The following NRG1 variants were observed in gnomAD, a reference collection of about 807,000 sequenced individuals.
The protein encoded by NRG1 is pro-neuregulin-1, membrane-bound isoform.
NRG1 carries 18 observed loss-of-function variants against 63.8 expected under a neutral mutation model. That is an observed-to-expected ratio of 0.28 (90% CI 0.19 to 0.42). The LOEUF is 0.42. NRG1 is among the 10% of genes least tolerant of loss of function. The pLI is 1.00. For missense variants in NRG1, 762 were observed against 814.7 expected (o/e 0.94, Z 0.79); for synonymous variants, 302 against 301.3 (o/e 1.00, Z -0.02).
chr8:31,944,712 A>G (rs1174864845), intron 1 of NRG1, among the ~76,000 whole-genome samples: 2 of 152,128 alleles, frequency 1.3e-5, no homozygotes, highest in Non-Finnish European at 2.9e-5. Flanking sequence ...GAGAGCAAGT[A>G]ATAATGTTAT....
At chr8:32,581,692 G>A (rs17721098) in intron 1 of NRG1, among the ~76,000 whole-genome samples, 38,996 of 152,034 alleles carry the variant, frequency 0.26, 5,122 homozygotes, top group South Asian at 0.33. Flanking sequence ...ACACTTATTC[G>A]AAAGACATAA....
At position 32,742,645 on chromosome 8, in the gene NRG1, C is replaced by G; in HGVS notation, c.633-30C>G. ...ACCTCTTCTCTTTTTCTCTGTTTTT[C>G]TACCATTGTTTTTTTGTTTCTTCTC... On this transcript the variant is annotated intron_variant, in intron 6 of 11. Coordinates refer to ENST00000356819, the Ensembl canonical transcript of NRG1. The surrounding 1 kb of genome is among the most constrained non-coding windows in gnomAD (Gnocchi z 4.2). The G allele has an allele frequency of 6.3e-7, 1 of 1,596,308 alleles. No homozygotes were observed. Among genetic ancestry groups the G allele is most frequent in the Non-Finnish European group, 8.6e-7 (1 of 1,164,570 alleles).
In NRG1 at chr8:32,756,399, C is replaced by T; in HGVS notation, c.795-4C>T. On this transcript the variant is annotated splice_polypyrimidine_tract_variant and splice_region_variant and intron_variant, in intron 8 of 11. Coordinates refer to ENST00000356819, the Ensembl canonical transcript of NRG1. ...AAAATAAATGCTCCCTTTCTTATGTCCAGGAAACAGCGGAAAAAGCTGCAT... is the reference window on the plus strand; with the variant it reads ...AAAATAAATGCTCCCTTTCTTATGTTCAGGAAACAGCGGAAAAAGCTGCAT... 1.9e-6 allele frequency: 3 copies of T among 1,608,084 alleles called. No homozygotes were observed. The highest frequency in any genetic ancestry group is 2.5e-6 in the Non-Finnish European group (3 of 1,178,056).
chr8:32,347,169 T>C (rs905460498), intron 1 of NRG1, among the ~76,000 whole-genome samples: 2 of 152,212 alleles, frequency 1.3e-5, no homozygotes, highest in Non-Finnish European at 1.5e-5. Context: ...ATTATAATTC[T>C]TTTCTTCTAG....
intron 1 of NRG1, among the ~76,000 whole-genome samples, chr8:31,859,951 T>G (rs1480006452): frequency 6.6e-6 from 1 of 152,148 alleles, no homozygotes; most frequent in Non-Finnish European, 1.5e-5. Context: ...CCCAGCTCAG[T>G]GCTTAGAAAC....
At chr8:31,939,621 A>G (rs1280170539) in intron 1 of NRG1, among the ~76,000 whole-genome samples, 1 of 152,186 alleles carries the variant, frequency 6.6e-6, no homozygotes, top group Non-Finnish European at 1.5e-5. Flanking sequence ...AAAGATACAG[A>G]ATGGCAGAAT....
At chr8:31,747,356 G>A (rs1452064287) in intron 1 of NRG1, among the ~76,000 whole-genome samples, 3 of 151,874 alleles carry the variant, frequency 2.0e-5, no homozygotes, top group African/African-American at 7.2e-5. Context: ...ACAAGGCACT[G>A]CCTGGGTTTG....
chr8:32,325,409 GACAGCT>G (rs1328928348), intron 1 of NRG1, among the ~76,000 whole-genome samples: 3 of 152,140 alleles, frequency 2.0e-5, no homozygotes, highest in Non-Finnish European at 2.9e-5. Context: ...TTGAGACAGA[GACAGCT>G]CTGTCCCCCA....
At chr8:31,877,241 G>A (rs925929595) in intron 1 of NRG1, among the ~76,000 whole-genome samples, 4 of 152,032 alleles carry the variant, frequency 2.6e-5, no homozygotes, top group Admixed American at 2.0e-4. Context: ...AAGCCATTTC[G>A]AACTCCGAAG....
intron 1 of NRG1, among the ~76,000 whole-genome samples, chr8:32,550,845 T>G (rs1276031917): frequency 6.6e-6 from 1 of 152,168 alleles, no homozygotes; most frequent in Non-Finnish European, 1.5e-5. Context: ...CCTGAAAAAT[T>G]GGGGTGAATT....
At chr8:32,695,863 A>G (rs1443577779) in intron 5 of NRG1, among the ~76,000 whole-genome samples, 1 of 152,260 alleles carries the variant, frequency 6.6e-6, no homozygotes, top group Non-Finnish European at 1.5e-5. Context: ...AAATAAGGAT[A>G]TGATATAATC....
At chr8:32,417,443 G>GT (rs1816078015) in intron 1 of NRG1, among the ~76,000 whole-genome samples, 2 of 151,942 alleles carry the variant, frequency 1.3e-5, no homozygotes, top group Non-Finnish European at 2.9e-5. Context: ...CTAATTCTTT[G>GT]GTTTTCTGGA....
intron 1 of NRG1, among the ~76,000 whole-genome samples, chr8:31,899,240 A>T (rs1219686354): frequency 6.6e-6 from 1 of 151,840 alleles, no homozygotes; most frequent in Admixed American, 6.6e-5. Flanking sequence ...AAGTGCTGGG[A>T]CTACAGGTGT....
intron 1 of NRG1, among the ~76,000 whole-genome samples, chr8:32,219,488 A>T: frequency 6.6e-6 from 1 of 152,280 alleles, no homozygotes; most frequent in South Asian, 2.1e-4. Flanking sequence ...CCCTTCAATC[A>T]CATACCACCC....
intron 1 of NRG1, among the ~76,000 whole-genome samples, chr8:31,865,956 G>A (rs1464185667): frequency 6.6e-6 from 1 of 152,158 alleles, no homozygotes; most frequent in African/African-American, 2.4e-5. Flanking sequence ...GCTCCACGTT[G>A]AGGGAGCCAT....
intron 1 of NRG1, among the ~76,000 whole-genome samples, chr8:32,540,172 G>A (rs974979583): frequency 1.3e-5 from 2 of 152,132 alleles, no homozygotes; most frequent in Non-Finnish European, 2.9e-5. Flanking sequence ...GGCAGGGCAG[G>A]TAAACCGGCA....
At chr8:32,527,810 G>A (rs1831019921) in intron 1 of NRG1, among the ~76,000 whole-genome samples, 1 of 152,084 alleles carries the variant, frequency 6.6e-6, no homozygotes, top group African/African-American at 2.4e-5. Context: ...TTGCTTAGGT[G>A]GAAATCCAGG....
Position 32,165,003 on chromosome 8 carries a change from GAC to G in NRG1, c.38-430822_38-430821del, listed in dbSNP as rs564682064. 1.8e-4 allele frequency among the ~76,000 whole-genome samples: 27 copies of G among 152,218 alleles called. No individual in the cohort carries two copies. In the South Asian group the frequency reaches 5.6e-3, roughly 32 times the overall value. ...CTAAGAAATAAAATGAGAGGGTTTT[GAC>G]ACCTCTCCCTCTCCCCCACCCCCCA... On this transcript the variant is annotated intron_variant, in intron 1 of 10. Transcript: ENST00000519301.
chr8:31,753,646 A>G (rs1420376398), intron 1 of NRG1, among the ~76,000 whole-genome samples: 1 of 152,112 alleles, frequency 6.6e-6, no homozygotes, highest in Non-Finnish European at 1.5e-5. Context: ...TTATCTATAG[A>G]GTCAAATCTA....
Sources: gnomAD v4.1 joint callset for allele counts (sites outside exome capture counted in the v4.1 genomes callset) on GRCh38, gnomAD v4.1.1 for gene constraint, Gnocchi (gnomAD v3.1) non-coding constraint, MANE v1.5 for transcripts, NCBI Gene and HGNC (gene_info 2026-07-23, HGNC 2026-07-21) for gene names.